RPS6KA2: variants seen among roughly 807,000 people sequenced by gnomAD.
RPS6KA2 encodes the protein ribosomal protein S6 kinase A2.
In RPS6KA2, 42 loss-of-function variants were observed where a neutral mutation model predicts 91.8. The observed-to-expected ratio is 0.46, with a 90% CI of 0.36 to 0.59. The LOEUF is 0.59. RPS6KA2 is among the 20% of genes least tolerant of loss of function. The pLI is 0.00. For missense variants in RPS6KA2, 798 were observed against 978.5 expected, an observed-to-expected ratio of 0.82 and a Z score of 2.46; for synonymous variants, 414 against 393.6, an observed-to-expected ratio of 1.05 and a Z score of -0.61.
At chr6:166,667,611 C>T (rs1298246515) in intron 2 of RPS6KA2, among the ~76,000 whole-genome samples, 1 of 152,202 alleles carries the variant, frequency 6.6e-6, no homozygotes, top group East Asian at 1.9e-4. Flanking sequence ...AGCTTTCAAA[C>T]TTTCTACACC....
rs72503824 is a variant in RPS6KA2, at chr6:166,752,053, G to A, written c.123+106147C>T. 6.0e-3 allele frequency among the ~76,000 whole-genome samples: 912 copies of A among 152,356 alleles called. 18 individuals are homozygous for A. The East Asian group carries it at 0.069, about 12-fold the overall frequency. ...AAGGAGTACCTGAGACCTCAAAGGC[G>A]ACACCAGGTCCATTTGTACCTGGGT... On this transcript the variant is annotated intron_variant, in intron 2 of 21. Transcript: ENST00000503859.
chr6:166,716,057 A>AGG (rs60766311), intron 2 of RPS6KA2, among the ~76,000 whole-genome samples: 3 of 73,900 alleles, frequency 4.1e-5, no homozygotes, highest in African/African-American at 5.9e-5. Flanking sequence ...AAAAAAAAAA[A>AGG]AAAAGAAGGA....
rs530573223 is a variant in RPS6KA2 at position 166,467,101 on chromosome 6, AACTC to A, written c.972+2736_972+2739del. On this transcript the variant is annotated intron_variant, in intron 11 of 20. Coordinates refer to ENST00000265678, the MANE Select transcript of RPS6KA2 (RefSeq NM_021135.6). ...TCACTCCCTCACTCATTCACTCTCT[AACTC>A]ACTCCCTCATTCACTCACTCCCTCA... is the stretch of plus-strand genomic sequence containing the variant. Among the ~76,000 whole-genome samples the A allele has an allele frequency of 5.5e-3, 489 of 88,462 alleles. 1 individual carries two copies. Among genetic ancestry groups the A allele is most frequent in the Non-Finnish European group, 9.7e-3 (410 of 42,054 alleles). The allele number at this position is 88,462 out of a possible 152,430, so 58.0% of individuals were successfully genotyped here.
intron 2 of RPS6KA2, among the ~76,000 whole-genome samples, chr6:166,718,323 GT>G (rs1421852570): frequency 6.6e-6 from 1 of 152,136 alleles, no homozygotes; most frequent in African/African-American, 2.4e-5. Context: ...GGGGAGGTTA[GT>G]CCCCACAGTG....
chr6:166,667,485 T>G (rs1275067461), intron 2 of RPS6KA2, among the ~76,000 whole-genome samples: 1 of 152,268 alleles, frequency 6.6e-6, no homozygotes, highest in Non-Finnish European at 1.5e-5. Flanking sequence ...ACCTTGTGCC[T>G]GCCTTTGAAT....
chr6:166,844,537 T>A (rs535245210), intron 2 of RPS6KA2, among the ~76,000 whole-genome samples: 1 of 152,318 alleles, frequency 6.6e-6, no homozygotes, highest in East Asian at 1.9e-4. Context: ...TCAGGTAACC[T>A]ATAAAGGAAA....
At chr6:166,796,827 C>A (rs371778028) in intron 2 of RPS6KA2, among the ~76,000 whole-genome samples, 3 of 150,652 alleles carry the variant, frequency 2.0e-5, no homozygotes, top group African/African-American at 5.0e-5. Flanking sequence ...AGTGCACGCA[C>A]GTGGCACAGT....
chr6:166,706,365 T>C (rs1231636133), intron 2 of RPS6KA2, among the ~76,000 whole-genome samples: 1 of 152,142 alleles, frequency 6.6e-6, no homozygotes, highest in Non-Finnish European at 1.5e-5. Context: ...CTGGCAAGTA[T>C]GTGAAGAGTT....
At chr6:166,720,154 G>A (rs1400677774) in intron 2 of RPS6KA2, among the ~76,000 whole-genome samples, 1 of 151,972 alleles carries the variant, frequency 6.6e-6, no homozygotes, top group Non-Finnish European at 1.5e-5. Context: ...TTGTAAAGTG[G>A]GCATCTTTGT....
intron 12 of RPS6KA2, among the ~76,000 whole-genome samples, chr6:166,454,938 A>C (rs1326514013): frequency 6.6e-6 from 1 of 150,596 alleles, no homozygotes; most frequent in African/African-American, 2.4e-5. Context: ...TACATTATAT[A>C]ATATGTAAAT....
chr6:166,412,950 C>G lies in RPS6KA2; in HGVS notation c.2077-63G>C. 1 of 1,474,500 alleles carries G rather than the reference C, an allele frequency of 6.8e-7. No homozygotes were observed. The highest frequency in any genetic ancestry group is 9.0e-7 in the Non-Finnish European group (1 of 1,106,130). 91.3% of individuals were successfully genotyped at this position (1,474,500 alleles called of 1,614,324 possible). On this transcript the variant is annotated intron_variant, in intron 20 of 20. Coordinates refer to ENST00000265678, the MANE Select transcript of RPS6KA2 (RefSeq NM_021135.6). This position sits in a 1 kb window ranked among gnomAD's most constrained non-coding sequence, Gnocchi z 4.3. ...TCACTCCAGGGGTTGAGCCGGAGCC[C>G]GGGGCCTCCATGGGCCTCAGCTGCC...
In RPS6KA2 at chr6:166,586,229, A is replaced by G. The variant is rs557865770; in HGVS notation, c.99+40692T>C. The G allele has an allele frequency of 4.4e-6, 7 of 1,593,380 alleles. No individual in the cohort carries two copies. In the South Asian group the frequency reaches 7.7e-5, roughly 18 times the overall value. Reference sequence around the variant, plus strand: ...GGTAGTTGTTACCCCAGGATCGTCCATGCCACTGATTGGATCGATTGTCAC... The same window carrying G: ...GGTAGTTGTTACCCCAGGATCGTCCGTGCCACTGATTGGATCGATTGTCAC... On this transcript the variant is annotated intron_variant, in intron 1 of 20. Transcript: ENST00000265678.
At chr6:166,700,889 A>C (rs532569288) in intron 2 of RPS6KA2, among the ~76,000 whole-genome samples, 11 of 152,176 alleles carry the variant, frequency 7.2e-5, no homozygotes, top group Non-Finnish European at 1.5e-4. Context: ...TGTTTGTTTT[A>C]AAGCTGGGTG....
At chr6:166,512,001 A>G (rs190035810) in intron 3 of RPS6KA2, among the ~76,000 whole-genome samples, 58 of 152,336 alleles carry the variant, frequency 3.8e-4, no homozygotes, top group African/African-American at 1.3e-3. Flanking sequence ...ACCCATGTTC[A>G]TGGCAGCATT....
chr6:166,604,003 G>GA (rs1785846586), intron 1 of RPS6KA2, among the ~76,000 whole-genome samples: 1 of 152,152 alleles, frequency 6.6e-6, no homozygotes, highest in South Asian at 2.1e-4. Flanking sequence ...AGAAAAGGGC[G>GA]AGACTATGAA....
intron 2 of RPS6KA2, among the ~76,000 whole-genome samples, chr6:166,738,461 A>G (rs565627332): frequency 2.1e-4 from 32 of 152,310 alleles, no homozygotes; most frequent in Middle Eastern, 6.8e-3. Flanking sequence ...GGACCCTCAA[A>G]ACAGAGGAAT....
At position 166,562,843 on chromosome 6, in the gene RPS6KA2, G is replaced by A. The variant is rs1487840274; in HGVS notation, c.100-24059C>T. 2.6e-5 allele frequency among the ~76,000 whole-genome samples: 4 copies of A among 152,230 alleles called. No homozygotes were observed. In the East Asian group the frequency reaches 7.7e-4, roughly 29 times the overall value. On this transcript the variant is annotated intron_variant, in intron 1 of 20. Coordinates refer to ENST00000265678, the MANE Select transcript of RPS6KA2 (RefSeq NM_021135.6). ...TGGGGGCTGGGGGCTTTGCAGACGA[G>A]GTGTCTTAGTTGAGCCCTGAAGGCT...
chr6:166,591,609 A>G (rs774907341), intron 1 of RPS6KA2, among the ~76,000 whole-genome samples: 27 of 152,156 alleles, frequency 1.8e-4, no homozygotes, highest in Non-Finnish European at 2.8e-4. Context: ...GCAGCCAAGG[A>G]GTGCCTGGGG....
At chr6:166,528,386 A>T (rs1783139855) in intron 3 of RPS6KA2, among the ~76,000 whole-genome samples, 1 of 151,828 alleles carries the variant, frequency 6.6e-6, no homozygotes, top group Non-Finnish European at 1.5e-5. Flanking sequence ...CTGAAACTGG[A>T]TCCCTTCCTT....
Sources: allele counts gnomAD v4.1 joint callset (sites outside exome capture counted in the v4.1 genomes callset), GRCh38; gene constraint gnomAD v4.1.1; non-coding constraint Gnocchi (gnomAD v3.1); transcripts MANE v1.5; gene names NCBI Gene and HGNC (gene_info 2026-07-23, HGNC 2026-07-21).